KATNAL1: variants seen among roughly 807,000 people sequenced by gnomAD.
The protein encoded by KATNAL1 is katanin p60 ATPase-containing subunit A-like 1.
Under a neutral mutation model 55.2 loss-of-function variants are expected in KATNAL1, and 32 were observed. The observed-to-expected ratio is 0.58, with a 90% CI of 0.44 to 0.78. The LOEUF (loss-of-function observed/expected upper bound fraction) is 0.78, where lower values mean the gene tolerates loss of function less well. KATNAL1 is among the 30% of genes least tolerant of loss of function. KATNAL1 has a pLI of 0.00. For synonymous variants in KATNAL1, 193 were observed against 193.6 expected, an observed-to-expected ratio of 1.00 and a Z score of 0.02; for missense variants, 466 against 600.9, an observed-to-expected ratio of 0.78 and a Z score of 2.35.
At chr13:30,249,668 ATAAT>A (rs1417746354) in intron 4 of KATNAL1, among the ~76,000 whole-genome samples, 1 of 152,238 alleles carries the variant, frequency 6.6e-6, no homozygotes, top group Admixed American at 6.5e-5. Context: ...CAAAATGGGC[ATAAT>A]TAATTTATGG....
At position 30,208,390 on chromosome 13, in the gene KATNAL1, A is replaced by G. The variant is rs1593818170; in HGVS notation, c.*150T>C. Reference sequence around the variant, plus strand: ...TCGCCATCAATTATTTCTCAACTACATTTAGTATTCTTCGCAGTTTTAGAT... The same window carrying G: ...TCGCCATCAATTATTTCTCAACTACGTTTAGTATTCTTCGCAGTTTTAGAT... On this transcript the variant is annotated 3_prime_UTR_variant, in exon 11 of 11. Coordinates refer to ENST00000380615, the MANE Select transcript of KATNAL1 (RefSeq NM_032116.5). 1.6e-6 allele frequency: 1 copy of G among 621,712 alleles called. No individual in the cohort carries two copies. Among genetic ancestry groups the G allele is most frequent in the Non-Finnish European group, 2.7e-6 (1 of 369,044 alleles). 38.5% of individuals were successfully genotyped at this position (621,712 alleles called of 1,614,324 possible).
intron 10 of KATNAL1, among the ~76,000 whole-genome samples, chr13:30,209,345 G>C (rs1353153846): frequency 6.6e-6 from 1 of 152,218 alleles, no homozygotes; most frequent in African/African-American, 2.4e-5. Flanking sequence ...AAAGCTATTA[G>C]GAAGGCCAAG....
intron 9 of KATNAL1, among the ~76,000 whole-genome samples, chr13:30,217,234 T>C (rs979525057): frequency 6.6e-6 from 1 of 152,094 alleles, no homozygotes; most frequent in Admixed American, 6.6e-5. Context: ...GGGAGGATCA[T>C]GAGGTCAGGA....
At chr13:30,230,219 T>G (rs2137394515) in intron 8 of KATNAL1, among the ~76,000 whole-genome samples, 1 of 152,324 alleles carries the variant, frequency 6.6e-6, no homozygotes, top group South Asian at 2.1e-4. Context: ...CCAGAAACTT[T>G]GCTCCAAACA....
chr13:30,268,367 C>G (rs1879944564), intron 3 of KATNAL1, among the ~76,000 whole-genome samples: 1 of 152,150 alleles, frequency 6.6e-6, no homozygotes. Context: ...CAGCTATAGA[C>G]TACAAAATAA....
In KATNAL1 at chr13:30,230,580, G is replaced by A; in HGVS notation, c.900C>T (p.Ala300=). ...RLLFEMARFY[A]PTTIFIDEID... is the part of the protein sequence containing the mutation. ...TCTCATCAATGAAGATCGTGGTAGG[G>A]GCATAAAATCTAGCCTTTATGAAAA... Residue 300 remains alanine, a synonymous_variant, in exon 8 of 11, where the codon GCC becomes GCT. Transcript: ENST00000380615. 6.2e-7 allele frequency: 1 copy of A among 1,602,538 alleles called. No homozygotes were observed. Among genetic ancestry groups the A allele is most frequent in the South Asian group, 1.1e-5 (1 of 89,018 alleles).
chr13:30,231,453 G>T lies in KATNAL1; in HGVS notation c.746C>A (p.Pro249His), dbSNP rs1196757703. The T allele has an allele frequency of 6.4e-7, 1 of 1,571,200 alleles. No individual in the cohort carries two copies. Among genetic ancestry groups the T allele is most frequent in the Admixed American group, 1.8e-5 (1 of 55,300 alleles). The change falls in exon 7 of 11, where the codon CCC (proline) becomes CAC (histidine). Residue 249 changes from proline to histidine, a missense_variant. Transcript: ENST00000380615. ...TAGCATAGTTTTACCAGTGCCTGGG[G>T]GTCCAACCATCAGTACACCCTGAAA... ...RPWKGVLMVG[P>H]PGTGKTMLAK...
intron 3 of KATNAL1, among the ~76,000 whole-genome samples, chr13:30,275,012 CA>C: frequency 6.6e-6 from 1 of 151,396 alleles, no homozygotes; most frequent in East Asian, 1.9e-4. Flanking sequence ...GCAGGTGAAA[CA>C]GGCCAGATAC....
In KATNAL1 at chr13:30,274,952, C is replaced by G. The variant is rs189926217; in HGVS notation, c.323+5111G>C. 5.8e-3 allele frequency among the ~76,000 whole-genome samples: 836 copies of G among 144,532 alleles called. 9 individuals carry two copies. Among genetic ancestry groups the G allele is most frequent in the African/African-American group, 0.018 (691 of 37,644 alleles). The allele number at this position is 144,532 out of a possible 152,430, so 94.8% of individuals were successfully genotyped here. On this transcript the variant is annotated intron_variant, in intron 3 of 10. Transcript: ENST00000380615. Reference sequence around the variant, plus strand: ...ACACACACACACACACACACACACACAGGAATATTATTCAACCTTAAGAGA... The same window carrying G: ...ACACACACACACACACACACACACAGAGGAATATTATTCAACCTTAAGAGA...
At position 30,231,482 on chromosome 13, in the gene KATNAL1, CAA is replaced by C. The variant is rs756431225; in HGVS notation, c.727-12_727-11del. ...CAACCATCAGTACACCCTGAAATTT[CAA>C]AAGACAAATTAAATGATTTATCAGA... On this transcript the variant is annotated splice_polypyrimidine_tract_variant and intron_variant, in intron 6 of 10. Transcript: ENST00000380615. 25 of 1,490,142 alleles carry C rather than the reference CAA, an allele frequency of 1.7e-5. 1 individual carries two copies. In the African/African-American group the frequency reaches 2.1e-4, roughly 13 times the overall value. 92.3% of individuals were successfully genotyped at this position (1,490,142 alleles called of 1,614,324 possible). A position where few individuals can be genotyped will look rare whatever the true frequency, so the allele number is the denominator to read the frequency against.
At chr13:30,281,902 T>C (rs760474687) in intron 2 of KATNAL1, 1 of 152,226 alleles carries the variant, frequency 6.6e-6, no homozygotes, top group African/African-American at 2.4e-5. Flanking sequence ...GGATGTTACG[T>C]TGTTTTAGTA....
chr13:30,245,346 T>C (rs148445005), intron 4 of KATNAL1, among the ~76,000 whole-genome samples: 2,015 of 152,200 alleles, frequency 0.013, 37 homozygotes, highest in African/African-American at 0.045. Context: ...TTCGATAAAA[T>C]TCAACACCCC....
At chr13:30,284,572 T>G (rs1881648351) in intron 1 of KATNAL1, among the ~76,000 whole-genome samples, 1 of 152,156 alleles carries the variant, frequency 6.6e-6, no homozygotes, top group Non-Finnish European at 1.5e-5. Flanking sequence ...TAAAGAACAG[T>G]CTATAGTTGT....
At chr13:30,233,643 C>T (rs1368351074) in intron 6 of KATNAL1, among the ~76,000 whole-genome samples, 1 of 151,788 alleles carries the variant, frequency 6.6e-6, no homozygotes, top group Non-Finnish European at 1.5e-5. Flanking sequence ...TATTTGCACT[C>T]CTGTGTTTAT....
At position 30,250,887 on chromosome 13, in the gene KATNAL1, C is replaced by T. The variant is rs537261413; in HGVS notation, c.492+4560G>A. ...GGCGCAGTGGTTCACGCCTGTAATC[C>T]CAGCACTTCGGGAGGCCGAGGCGGG... On this transcript the variant is annotated intron_variant, in intron 4 of 10. Coordinates refer to ENST00000380615, the MANE Select transcript of KATNAL1 (RefSeq NM_032116.5). Among the ~76,000 whole-genome samples, 67 of 152,282 alleles carry T rather than the reference C, an allele frequency of 4.4e-4. 2 individuals carry two copies. The South Asian group carries it at 0.013, about 31-fold the overall frequency.
chr13:30,253,893 A>T (rs141466147), intron 4 of KATNAL1, among the ~76,000 whole-genome samples: 176 of 152,320 alleles, frequency 1.2e-3, no homozygotes, highest in African/African-American at 3.8e-3. Flanking sequence ...CCATTCTTCC[A>T]GTATCCATGT....
At chr13:30,256,561 C>G (rs1470571628) in intron 3 of KATNAL1, among the ~76,000 whole-genome samples, 1 of 152,150 alleles carries the variant, frequency 6.6e-6, no homozygotes, top group Non-Finnish European at 1.5e-5. Flanking sequence ...TCCAGCCTCA[C>G]ACTTATAATT....
intron 3 of KATNAL1, among the ~76,000 whole-genome samples, chr13:30,277,982 CAAAAAAAAAAA>C (rs55683675): frequency 0.041 from 2,495 of 61,296 alleles, 37 homozygotes; most frequent in Non-Finnish European, 0.055. Flanking sequence ...GACTCCGTCT[CAAAAAAAAAAA>C]AAAAAAAAAA....
intron 3 of KATNAL1, among the ~76,000 whole-genome samples, chr13:30,275,554 G>A (rs1345145167): frequency 6.6e-6 from 1 of 152,060 alleles, no homozygotes; most frequent in East Asian, 1.9e-4. Flanking sequence ...TTATTACCAG[G>A]GGCTAGGGGA....
Sources: gnomAD v4.1 joint callset for allele counts (sites outside exome capture counted in the v4.1 genomes callset) on GRCh38, gnomAD v4.1.1 for gene constraint, MANE v1.5 for transcripts, NCBI Gene and HGNC (gene_info 2026-07-23, HGNC 2026-07-21) for gene names.